XRN1: variants seen among roughly 807,000 people sequenced by gnomAD.
XRN1 encodes strand-exchange protein 1 homolog.
A neutral mutation model predicts 222.3 loss-of-function variants in XRN1; 67 were observed. The observed-to-expected ratio is 0.30, with a 90% CI of 0.25 to 0.37. XRN1 has a LOEUF of 0.37. XRN1 is among the 10% of genes least tolerant of loss of function. The pLI, the probability that XRN1 is intolerant of heterozygous loss-of-function variation, is 1.00. For synonymous variants in XRN1, 643 were observed against 652.4 expected (o/e 0.99, Z 0.22); for missense variants, 1,707 against 2,000.2 (o/e 0.85, Z 2.80).
chr3:142,329,136 G>T (rs2065616845), intron 37 of XRN1, among the ~76,000 whole-genome samples: 1 of 152,000 alleles, frequency 6.6e-6, no homozygotes, highest in African/African-American at 2.4e-5. Context: ...TCCAAAAAAA[G>T]TGTGAAGTTT....
At chr3:142,312,881 C>A in intron 39 of XRN1, 123 bp from the exon 40 acceptor site, 1 of 1,008,052 alleles carries the variant, frequency 9.9e-7, no homozygotes, top group Admixed American at 2.6e-5. Flanking sequence ...AAGGCCTACA[C>A]TTACTTCACC....
intron 1 of XRN1, among the ~76,000 whole-genome samples, chr3:142,441,839 G>T (rs568739669): frequency 2.6e-5 from 4 of 152,170 alleles, no homozygotes; most frequent in Non-Finnish European, 4.4e-5. Context: ...AACCTAAGCC[G>T]CTCGAGGGGA....
intron 20 of XRN1, among the ~76,000 whole-genome samples, chr3:142,396,744 C>T (rs992240285): frequency 6.6e-6 from 1 of 152,126 alleles, no homozygotes; most frequent in African/African-American, 2.4e-5. Flanking sequence ...GTGCCAATGC[C>T]AGCCTCTCGT....
At chr3:142,426,568 G>A in intron 3 of XRN1, 176 bp downstream of exon 3, 1 of 570,894 alleles carries the variant, frequency 1.8e-6, no homozygotes, top group South Asian at 2.5e-5. Flanking sequence ...AGTTTTTGTA[G>A]GAGTATTTAT....
chr3:142,396,176 T>C (rs2067922008), intron 20 of XRN1, among the ~76,000 whole-genome samples: 1 of 152,218 alleles, frequency 6.6e-6, no homozygotes, highest in African/African-American at 2.4e-5. Flanking sequence ...TATCAATACA[T>C]TGATATTCAC....
intron 20 of XRN1, among the ~76,000 whole-genome samples, chr3:142,386,836 G>A (rs2067521108): frequency 6.6e-6 from 1 of 152,124 alleles, no homozygotes; most frequent in Admixed American, 6.6e-5. Flanking sequence ...GCAATAGTAA[G>A]TACTTATGAA....
chr3:142,397,347 A>T lies in XRN1; in HGVS notation c.2321T>A (p.Val774Glu). ...DKEQSNWAKE[V>E]QGISEHYLRR... Reference sequence around the variant, plus strand: ...TACTCACTGTTCTGAAATTCCTTGTACTTCTTTTGCCCAGTTAGATTGTTC... The same window carrying T: ...TACTCACTGTTCTGAAATTCCTTGTTCTTCTTTTGCCCAGTTAGATTGTTC... Residue 774 changes from valine to glutamate, a missense_variant, in exon 20 of 41, where the codon GTA becomes GAA. Val to Glu is a moderately radical substitution (Grantham distance 121, BLOSUM62 -2). This residue lies in a region of XRN1 where 1,234 missense variants were observed against 1,518.2 expected (regional missense o/e 0.81). Transcript: ENST00000392981. 1 of 1,592,480 alleles carries T rather than the reference A, an allele frequency of 6.3e-7. No individual in the cohort carries two copies. The highest frequency in any genetic ancestry group is 8.6e-7 in the Non-Finnish European group (1 of 1,169,448).
intron 20 of XRN1, among the ~76,000 whole-genome samples, chr3:142,396,664 G>A (rs543629312): frequency 2.0e-5 from 3 of 152,294 alleles, no homozygotes; most frequent in Non-Finnish European, 4.4e-5. Context: ...ATTAGAAGGA[G>A]TATCCCTGAA....
intron 1 of XRN1, among the ~76,000 whole-genome samples, chr3:142,443,270 G>A (rs1363527017): frequency 1.3e-5 from 2 of 152,294 alleles, no homozygotes; most frequent in Middle Eastern, 3.4e-3. Flanking sequence ...GAAGCAGTTA[G>A]AGCAGTCATC....
chr3:142,421,356 T>C, intron 9 of XRN1, 120 bp downstream of exon 9: 1 of 952,474 alleles, frequency 1.0e-6, no homozygotes, highest in Non-Finnish European at 1.5e-6. Flanking sequence ...TAAAAGTGTT[T>C]ATATTGAATA....
rs754253611 is a variant in XRN1, at chr3:142,426,739, T to C, written c.406+5A>G. The C allele has an allele frequency of 1.3e-5, 21 of 1,605,628 alleles. No individual in the cohort carries two copies. The highest frequency in any genetic ancestry group is 1.8e-5 in the Non-Finnish European group (21 of 1,176,764). Reference sequence around the variant, plus strand: ...CTGTCATAATTTGTCTCTCAGTGAATTTACCTGGTGTGATACAGTTGGAAT... The same window carrying C: ...CTGTCATAATTTGTCTCTCAGTGAACTTACCTGGTGTGATACAGTTGGAAT... On this transcript the variant is annotated splice_donor_5th_base_variant and intron_variant, in intron 3 of 40. Transcript: ENST00000392981.
chr3:142,396,952 G>GAGAAGATGAGGA (rs1307335366), intron 20 of XRN1, among the ~76,000 whole-genome samples: 1 of 152,134 alleles, frequency 6.6e-6, no homozygotes, highest in Non-Finnish European at 1.5e-5. Flanking sequence ...TGGGGAACGG[G>GAGAAGATGAGGA]AGAAGATGAG....
chr3:142,410,519 G>A (rs1401412651), intron 15 of XRN1, among the ~76,000 whole-genome samples: 12 of 102,436 alleles, frequency 1.2e-4, no homozygotes, highest in Non-Finnish European at 1.8e-5. Context: ...TTTTGAGATG[G>A]AGTCTGGCTC....
intron 37 of XRN1, among the ~76,000 whole-genome samples, chr3:142,323,800 T>TA (rs199732915): frequency 1.9e-3 from 277 of 149,346 alleles, no homozygotes; most frequent in African/African-American, 6.3e-3. Flanking sequence ...CCCATCTCTT[T>TA]AAAAAAAAAA....
intron 18 of XRN1, among the ~76,000 whole-genome samples, chr3:142,401,405 T>C (rs1430337604): frequency 7.2e-5 from 11 of 152,132 alleles, no homozygotes; most frequent in Non-Finnish European, 1.6e-4. Context: ...ATATCTTAAG[T>C]AAAAAATTCT....
At chr3:142,407,474 C>A (rs990851102) in intron 15 of XRN1, among the ~76,000 whole-genome samples, 21 of 152,128 alleles carry the variant, frequency 1.4e-4, no homozygotes, top group African/African-American at 1.4e-4. Context: ...GGACTACAGG[C>A]ATGAACCACC....
rs911276189 is a variant in XRN1 at position 142,308,389 on chromosome 3, T to TA, written c.*3121dup. The TA allele has an allele frequency of 2.6e-5, 4 of 151,954 alleles. No individual in the cohort carries two copies. Among genetic ancestry groups the TA allele is most frequent in the Non-Finnish European group, 5.9e-5 (4 of 67,970 alleles). The allele number at this position is 151,954 out of a possible 1,614,324, so 9.4% of individuals were successfully genotyped here. A position where few individuals can be genotyped will look rare whatever the true frequency, so the allele number is the denominator to read the frequency against. ...GGTACCTGATCATAGAAAGAAACAA[T>TA]AAAAAAACTTGCATCAATAGTTCTT... On this transcript the variant is annotated 3_prime_UTR_variant, in exon 41 of 41. Transcript: ENST00000392981.
chr3:142,341,017 AAC>A (rs1438729611), intron 33 of XRN1, among the ~76,000 whole-genome samples: 1 of 152,180 alleles, frequency 6.6e-6, no homozygotes, highest in Non-Finnish European at 1.5e-5. Flanking sequence ...TACACAGAAA[AAC>A]ACATAACACT....
chr3:142,361,640 G>A (rs540433012), intron 29 of XRN1, among the ~76,000 whole-genome samples: 6 of 152,254 alleles, frequency 3.9e-5, no homozygotes, highest in South Asian at 2.1e-4. Context: ...TTTCTAGTCT[G>A]TATGTGGTAA....
Sources: allele counts gnomAD v4.1 joint callset (sites outside exome capture counted in the v4.1 genomes callset), GRCh38; gene constraint gnomAD v4.1.1; regional missense constraint gnomAD v4.1.1; transcripts MANE v1.5; gene names NCBI Gene and HGNC (gene_info 2026-07-23, HGNC 2026-07-21).